UNC79: variants seen among roughly 807,000 people sequenced by gnomAD.
The protein encoded by UNC79 is unc-79 subunit of NALCN channel complex, also known as protein unc-79 homolog.
A neutral mutation model predicts 283.1 loss-of-function variants in UNC79; 37 were observed. That is an observed-to-expected ratio of 0.13 (90% CI 0.10 to 0.17). UNC79 has a LOEUF of 0.17. UNC79 is among the 10% of genes least tolerant of loss of function. UNC79 has a pLI of 1.00. For missense variants in UNC79, 2,272 were observed against 3,211.1 expected (o/e 0.71, Z 7.07); for synonymous variants, 1,107 against 1,200.2 (o/e 0.92, Z 1.61).
intron 40 of UNC79, among the ~76,000 whole-genome samples, 155 bp from the exon 44 acceptor site, chr14:93,673,196 T>G (rs1423206357): frequency 6.6e-6 from 1 of 152,196 alleles, no homozygotes; most frequent in African/African-American, 2.4e-5. Flanking sequence ...GCCTTTTTTT[T>G]GTTCTAATTT....
At chr14:93,537,911 A>G in intron 11 of UNC79, 78 bp from the exon 12 acceptor site, 10 of 1,430,408 alleles carry the variant, frequency 7.0e-6, no homozygotes, top group Non-Finnish European at 8.5e-6. Flanking sequence ...TGGCCCCTTA[A>G]GTTTTCATTT....
At chr14:93,369,334 G>T (rs751306395) in intron 1 of UNC79, among the ~76,000 whole-genome samples, 22 of 152,304 alleles carry the variant, frequency 1.4e-4, no homozygotes, top group Admixed American at 7.8e-4. Context: ...ACAAATTGTA[G>T]TATAGAGACT....
intron 27 of UNC79, among the ~76,000 whole-genome samples, chr14:93,615,470 T>G (rs1336318106): frequency 3.9e-5 from 6 of 151,984 alleles, no homozygotes; most frequent in African/African-American, 1.5e-4. Flanking sequence ...ATGCTTGTAA[T>G]CCCAGCACTT....
intron 24 of UNC79, among the ~76,000 whole-genome samples, chr14:93,598,631 C>T (rs2065265885): frequency 6.6e-6 from 1 of 152,184 alleles, no homozygotes; most frequent in Admixed American, 6.5e-5. Flanking sequence ...AAGTGATTCT[C>T]ATGCCTTAGT....
intron 1 of UNC79, among the ~76,000 whole-genome samples, chr14:93,451,688 A>G (rs1595502462): frequency 1.3e-5 from 2 of 152,284 alleles, no homozygotes; most frequent in South Asian, 4.1e-4. Context: ...CCAATCCCCC[A>G]CATTTTTTTT....
chr14:93,564,443 G>A (rs118155713), intron 14 of UNC79, among the ~76,000 whole-genome samples: 2,834 of 149,734 alleles, frequency 0.019, 41 homozygotes, highest in South Asian at 0.076. Flanking sequence ...GGTAGGTAAC[G>A]GATGGAGAAG....
intron 8 of UNC79, among the ~76,000 whole-genome samples, chr14:93,524,594 A>AAACTGGAGACAGAACCAGGT (rs2060464745): frequency 6.6e-6 from 1 of 152,240 alleles, no homozygotes; most frequent in Non-Finnish European, 1.5e-5. Flanking sequence ...GTTAGCAACA[A>AAACTGGAGACAGAACCAGGT]AACTGGAGAC....
At chr14:93,357,866 G>GATATATGGATATGTAT (rs2054137960) in intron 1 of UNC79, among the ~76,000 whole-genome samples, 2 of 29,774 alleles carry the variant, frequency 6.7e-5, no homozygotes, top group African/African-American at 2.0e-4. Flanking sequence ...TATATATATG[G>GATATATGGATATGTAT]ATATATGGAT....
intron 25 of UNC79, among the ~76,000 whole-genome samples, chr14:93,602,445 C>T (rs1396518672): frequency 2.0e-5 from 3 of 152,116 alleles, no homozygotes; most frequent in Non-Finnish European, 1.5e-5. Flanking sequence ...TTCTCTATTC[C>T]GTTCCATTGG....
At chr14:93,524,250 C>T (rs947351565) in intron 8 of UNC79, among the ~76,000 whole-genome samples, 2 of 152,140 alleles carry the variant, frequency 1.3e-5, no homozygotes, top group African/African-American at 2.4e-5. Context: ...GCTATGCGTT[C>T]GTAGCCAAGT....
intron 1 of UNC79, among the ~76,000 whole-genome samples, chr14:93,452,330 C>T (rs2056667684): frequency 1.3e-5 from 2 of 150,528 alleles, no homozygotes; most frequent in Admixed American, 1.3e-4. Context: ...CTACAATGAA[C>T]ATTTACTGAA....
At chr14:93,377,997 A>G (rs2054595355) in intron 1 of UNC79, among the ~76,000 whole-genome samples, 1 of 152,236 alleles carries the variant, frequency 6.6e-6, no homozygotes, top group South Asian at 2.1e-4. Context: ...TTGAGGTAAT[A>G]ATCAGGTATC....
intron 20 of UNC79, among the ~76,000 whole-genome samples, chr14:93,584,007 A>G (rs987143885): frequency 2.6e-5 from 4 of 152,046 alleles, no homozygotes; most frequent in East Asian, 1.9e-4. Context: ...GGTTTTCGCC[A>G]TGTTGCTCAG....
chr14:93,592,217 C>T (rs2064742844), intron 22 of UNC79, among the ~76,000 whole-genome samples: 2 of 148,384 alleles, frequency 1.3e-5, no homozygotes. Flanking sequence ...CTCTGTCGCC[C>T]AGGCTGGAGT....
chr14:93,380,969 A>G (rs1456853728), intron 1 of UNC79, among the ~76,000 whole-genome samples: 1 of 152,200 alleles, frequency 6.6e-6, no homozygotes, highest in Non-Finnish European at 1.5e-5. Flanking sequence ...GTAAGTATTT[A>G]TTGAGTGCTT....
At chr14:93,606,678 T>A (rs140628198) in intron 26 of UNC79, among the ~76,000 whole-genome samples, 2 of 152,212 alleles carry the variant, frequency 1.3e-5, no homozygotes, top group African/African-American at 4.8e-5. Flanking sequence ...TTAAATTTAA[T>A]TGCTGTTTAG....
exon 27 of UNC79, chr14:93,613,050 T>G (rs1301632499): frequency 6.2e-7 from 1 of 1,614,234 alleles, no homozygotes; most frequent in South Asian, 1.1e-5. Context: ...GCCTGTCAAC[T>G]TGCTTTAATG....
intron 1 of UNC79, among the ~76,000 whole-genome samples, chr14:93,404,493 A>AAAAAAAAAAAAAATATATATATATATAT: frequency 5.5e-4 from 34 of 61,474 alleles, no homozygotes; most frequent in African/African-American, 1.5e-3. Flanking sequence ...TTCTAAAAAA[A>AAAAAAAAAAAAAATATATATATATATAT]ATATATATAT....
chr14:93,577,806 G>A (rs939014149), intron 17 of UNC79, 36 bp from the exon 18 acceptor site: 2 of 1,600,836 alleles, frequency 1.2e-6, no homozygotes, highest in Non-Finnish European at 1.7e-6. Context: ...GAGCTTCTGT[G>A]AGTTCATTTC....
Sources: allele counts gnomAD v4.1 joint callset (sites outside exome capture counted in the v4.1 genomes callset), GRCh38; gene constraint gnomAD v4.1.1; transcripts MANE v1.5; gene names NCBI Gene and HGNC (gene_info 2026-07-23, HGNC 2026-07-21).